Variants in GIN1 observed in about 807,000 individuals in gnomAD.
GIN1 encodes the protein gypsy retrotransposon integrase-like protein 1.
A neutral mutation model predicts 51.4 loss-of-function variants in GIN1; 41 were observed. The ratio of observed to expected loss-of-function variants is 0.80; its 90% CI spans 0.62 to 1.04. The LOEUF is 1.04. GIN1 is among the 50% of genes least tolerant of loss of function. The probability of loss-of-function intolerance (pLI) is 0.00; values close to 1 mark genes in which losing one functional copy is unlikely to be tolerated. For synonymous variants in GIN1, 222 were observed against 206.5 expected, an observed-to-expected ratio of 1.07 and a Z score of -0.64; for missense variants, 610 against 612.4, an observed-to-expected ratio of 1.00 and a Z score of 0.04.
At chr5:103,088,670 T>C (rs1255958329) in intron 7 of GIN1, among the ~76,000 whole-genome samples, 3 of 152,110 alleles carry the variant, frequency 2.0e-5, no homozygotes, top group East Asian at 3.9e-4. Context: ...TAAGGGTGTC[T>C]ATGGTCCTAG....
At chr5:103,096,455 CA>C in intron 7 of GIN1, 85 bp downstream of exon 7, 1 of 1,002,986 alleles carries the variant, frequency 1.0e-6, no homozygotes, top group Non-Finnish European at 1.5e-6. Context: ...GAAAACCTAA[CA>C]AAAGAGGGGA....
chr5:103,111,854 TTCTA>T (rs1463813783), intron 1 of GIN1, among the ~76,000 whole-genome samples: 1 of 152,178 alleles, frequency 6.6e-6, no homozygotes, highest in Non-Finnish European at 1.5e-5. Context: ...CAGAAAATTT[TTCTA>T]TCTAATGTAA....
In GIN1 at chr5:103,086,191, TCTTCACATG is replaced by T. The variant is rs1348443867; in HGVS notation, c.*1698_*1706del. ...AACATAATCTTAAACTCTGCCTTTA[TCTTCACATG>T]GCATTCTCCTTGAGTCTGTGTTCAA... On this transcript the variant is annotated 3_prime_UTR_variant, in exon 8 of 8. Coordinates refer to ENST00000399004, the MANE Select transcript of GIN1 (RefSeq NM_017676.2). 5 of 152,252 alleles carry T rather than the reference TCTTCACATG, an allele frequency of 3.3e-5. No homozygotes were observed. Among genetic ancestry groups the T allele is most frequent in the African/African-American group, 1.2e-4 (5 of 41,470 alleles). The allele number at this position is 152,252 out of a possible 1,614,324, so 9.4% of individuals were successfully genotyped here.
At chr5:103,091,841 A>G (rs967201059) in intron 7 of GIN1, among the ~76,000 whole-genome samples, 3 of 151,998 alleles carry the variant, frequency 2.0e-5, no homozygotes, top group Non-Finnish European at 4.4e-5. Context: ...CCTGGCCAAC[A>G]TGGTGAAACC....
intron 7 of GIN1, among the ~76,000 whole-genome samples, chr5:103,091,746 C>T (rs1787243739): frequency 6.6e-6 from 1 of 151,696 alleles, no homozygotes; most frequent in Non-Finnish European, 1.5e-5. Context: ...GGGTCTCAGC[C>T]AGGCATGGTG....
intron 1 of GIN1, among the ~76,000 whole-genome samples, chr5:103,114,481 T>G (rs1370601567): frequency 1.3e-5 from 2 of 152,200 alleles, no homozygotes; most frequent in Non-Finnish European, 2.9e-5. Context: ...ATGACAATAT[T>G]AAGCAGGTTC....
chr5:103,113,836 C>G (rs574532567), intron 1 of GIN1, among the ~76,000 whole-genome samples: 29 of 152,290 alleles, frequency 1.9e-4, no homozygotes, highest in African/African-American at 6.3e-4. Context: ...GGTCCAACCT[C>G]TTAATACCAT....
chr5:103,093,044 G>A (rs1026179900), intron 7 of GIN1, among the ~76,000 whole-genome samples: 8 of 149,738 alleles, frequency 5.3e-5, no homozygotes, highest in African/African-American at 1.7e-4. Flanking sequence ...CTATATTAAC[G>A]TCAAGATCAT....
At chr5:103,114,360 T>C (rs782449411) in intron 1 of GIN1, among the ~76,000 whole-genome samples, 2 of 152,248 alleles carry the variant, frequency 1.3e-5, no homozygotes, top group Admixed American at 6.5e-5. Context: ...GCAGTGTCAG[T>C]ATAAATGGAT....
At chr5:103,108,912 C>A (rs1787801544) in intron 1 of GIN1, among the ~76,000 whole-genome samples, 198 bp from the exon 2 acceptor site, 1 of 151,766 alleles carries the variant, frequency 6.6e-6, no homozygotes, top group African/African-American at 2.4e-5. Context: ...TTTTGATATA[C>A]CCCATGACAA....
At chr5:103,096,235 C>T (rs1043135512) in intron 7 of GIN1, among the ~76,000 whole-genome samples, 6 of 151,718 alleles carry the variant, frequency 4.0e-5, no homozygotes, top group African/African-American at 1.5e-4. Context: ...CCCAGCTACT[C>T]GGGAGGCTGA....
At position 103,104,593 on chromosome 5, in the gene GIN1, T is replaced by C. The variant is rs1787669679; in HGVS notation, c.587A>G (p.Tyr196Cys). Residue 196 changes from tyrosine (Y) to cysteine (C), a missense_variant, in exon 4 of 8, where the codon TAT (tyrosine) becomes TGT (cysteine). By Grantham distance (194) the Tyr-to-Cys change is radical (BLOSUM62 -2). Coordinates refer to ENST00000399004, the MANE Select transcript of GIN1 (RefSeq NM_017676.2). ...CATTATTATTTTCTGAGGAGGTCCA[T>C]ATAAGAAAAATATATTGATAATAGC... ...SKAIINIFFL[Y>C]GPPQKIIMDQ... 3.2e-6 allele frequency: 5 copies of C among 1,568,052 alleles called. No individual in the cohort carries two copies. The African/African-American group carries it at 4.1e-5, about 13-fold the overall frequency.
chr5:103,097,406 C>T lies in GIN1; in HGVS notation c.916G>A (p.Asp306Asn). Residue 306 changes from aspartate to asparagine, a missense_variant, in exon 6 of 8, where the codon GAT (aspartate) becomes AAT (asparagine). Physicochemically the swap from Asp to Asn is conservative, Grantham distance 23. Transcript: ENST00000399004. ...PETSDSLHEVDGDNTSMFAKI... is the reference protein window; with the variant it reads ...PETSDSLHEVNGDNTSMFAKI... ...GCAAACATACTTGTATTATCACCAT[C>T]CACTTCATGAAGACTATCTGAAGTC... 4 of 1,566,702 alleles carry T rather than the reference C, an allele frequency of 2.6e-6. No homozygotes were observed. The highest frequency in any genetic ancestry group is 3.5e-6 in the Non-Finnish European group (4 of 1,137,214).
chr5:103,113,818 A>G (rs1451339369), intron 1 of GIN1, among the ~76,000 whole-genome samples: 2 of 152,140 alleles, frequency 1.3e-5, no homozygotes, highest in Non-Finnish European at 2.9e-5. Context: ...CACCGCGCCC[A>G]GCCCCAAGGT....
rs782547281 is a variant in GIN1 at position 103,106,867 on chromosome 5, C to T, written c.182G>A (p.Arg61His). 3.6e-5 allele frequency: 57 copies of T among 1,588,604 alleles called. No individual in the cohort carries two copies. The highest frequency in any genetic ancestry group is 4.4e-5 in the Non-Finnish European group (51 of 1,168,828). ...TTCCTCTTCTGAAACAATTACCAAA[C>T]GATTTTGTTTTCTGTCTTTTCCAAC... The part of the protein sequence containing the change: ...FYVGKDRKQN[R>H]LVIVSEEEKK... The change falls in exon 3 of 8, where the codon CGT (arginine) becomes CAT (histidine). Residue 61 changes from arginine (R) to histidine (H), a missense_variant. Coordinates refer to ENST00000399004, the MANE Select transcript of GIN1 (RefSeq NM_017676.2).
chr5:103,119,037 AG>A (rs2149406578), intron 1 of GIN1, among the ~76,000 whole-genome samples: 1 of 152,338 alleles, frequency 6.6e-6, no homozygotes. Context: ...GAGGAATGTC[AG>A]GGTCACATTT....
chr5:103,112,302 G>A (rs182475553), intron 1 of GIN1, among the ~76,000 whole-genome samples: 31 of 141,882 alleles, frequency 2.2e-4, no homozygotes, highest in Non-Finnish European at 4.0e-4. Flanking sequence ...ATATGGGTGA[G>A]TTGTCTTGGC....
chr5:103,115,174 T>C (rs539647893), intron 1 of GIN1, among the ~76,000 whole-genome samples: 3 of 152,330 alleles, frequency 2.0e-5, no homozygotes, highest in Non-Finnish European at 4.4e-5. Flanking sequence ...AAACAAGATG[T>C]AGATTCTCTT....
At position 103,095,642 on chromosome 5, in the gene GIN1, C is replaced by T. The variant is rs577847954; in HGVS notation, c.1294+899G>A. On this transcript the variant is annotated intron_variant, in intron 7 of 7. Transcript: ENST00000399004. ...CGAAGTGACTAATACATTTGTAAGG[C>T]CAGGTGCAATGGCACATGCACGCAA... is the stretch of plus-strand genomic sequence containing the variant. Among the ~76,000 whole-genome samples, 4 of 152,316 alleles carry T rather than the reference C, an allele frequency of 2.6e-5. No homozygotes were observed. The East Asian group carries it at 7.7e-4, about 29-fold the overall frequency.
Sources: allele counts gnomAD v4.1 joint callset (sites outside exome capture counted in the v4.1 genomes callset), GRCh38; gene constraint gnomAD v4.1.1; transcripts MANE v1.5; gene names NCBI Gene and HGNC (gene_info 2026-07-23, HGNC 2026-07-21).